HTR2A: variants seen among roughly 807,000 people sequenced by gnomAD.
The protein encoded by HTR2A is 5-hydroxytryptamine receptor 2A, also known as 5-HT2 receptor.
HTR2A carries 14 observed loss-of-function variants against 31.0 expected under a neutral mutation model. That is an observed-to-expected ratio of 0.45 (90% CI 0.30 to 0.71). The LOEUF (loss-of-function observed/expected upper bound fraction) is 0.71. HTR2A is among the 30% of genes least tolerant of loss of function. The pLI is 0.09. For synonymous variants in HTR2A, 209 were observed against 225.2 expected (o/e 0.93, Z 0.64); for missense variants, 442 against 573.3 (o/e 0.77, Z 2.34).
rs531503604 is a variant in HTR2A, at chr13:46,839,823, A to G, written c.614-4184T>C. Among the ~76,000 whole-genome samples the G allele has an allele frequency of 7.9e-5, 12 of 152,288 alleles. No homozygotes were observed. The East Asian group carries it at 1.4e-3, about 17-fold the overall frequency. ...GCATGGCTCTGCTTACTTCCTGCAC[A>G]TAAACTTTGCACCTCTAGTTAACAT... On this transcript the variant is annotated intron_variant, in intron 3 of 3. Transcript: ENST00000542664.
At chr13:46,861,665 A>G (rs1000443038) in intron 3 of HTR2A, among the ~76,000 whole-genome samples, 1 of 152,252 alleles carries the variant, frequency 6.6e-6, no homozygotes. Flanking sequence ...AGGCTTATCA[A>G]CTAATACCTT....
In HTR2A at chr13:46,896,655, T is replaced by C. The variant is rs572370504; in HGVS notation, c.-329+19A>G. 53 of 1,500,298 alleles carry C rather than the reference T, an allele frequency of 3.5e-5. No individual in the cohort carries two copies. The highest frequency in any genetic ancestry group is 2.9e-4 in the South Asian group (23 of 80,366). The allele number at this position is 1,500,298 out of a possible 1,614,324, so 92.9% of individuals were successfully genotyped here. Reference sequence around the variant, plus strand: ...AAGAAAATTACACAGCAATAAAATATAGCGGCATGAGAACTTACATTTGTC... The same window carrying C: ...AAGAAAATTACACAGCAATAAAATACAGCGGCATGAGAACTTACATTTGTC... On this transcript the variant is annotated intron_variant, in intron 1 of 3. Transcript: ENST00000542664.
At chr13:46,868,112 T>G (rs1178955982) in intron 3 of HTR2A, among the ~76,000 whole-genome samples, 3 of 152,362 alleles carry the variant, frequency 2.0e-5, no homozygotes, top group South Asian at 4.1e-4. Flanking sequence ...TTCTCTATTT[T>G]TAAACATTTT....
intron 3 of HTR2A, among the ~76,000 whole-genome samples, chr13:46,851,351 A>AT: frequency 6.6e-6 from 1 of 152,226 alleles, no homozygotes; most frequent in African/African-American, 2.4e-5. Flanking sequence ...AAAGATAAAG[A>AT]ATGAGCTCCT....
chr13:46,892,328 A>T, intron 3 of HTR2A, 62 bp downstream of exon 3: 1 of 1,493,482 alleles, frequency 6.7e-7, no homozygotes, highest in Non-Finnish European at 9.3e-7. Context: ...AAATGGAACA[A>T]GTCTTTTCAG....
intron 3 of HTR2A, among the ~76,000 whole-genome samples, chr13:46,878,592 G>C (rs569521896): frequency 4.9e-4 from 74 of 152,260 alleles, no homozygotes; most frequent in African/African-American, 1.7e-3. Context: ...AGAAGGTAGA[G>C]AATGGGTCTC....
At position 46,896,016 on chromosome 13, in the gene HTR2A, A is replaced by G. The variant is rs971996630; in HGVS notation, c.-110T>C. 71 of 1,470,140 alleles carry G rather than the reference A, an allele frequency of 4.8e-5. No individual in the cohort carries two copies. The Middle Eastern group carries it at 1.5e-3, about 32-fold the overall frequency. 91.1% of individuals were successfully genotyped at this position (1,470,140 alleles called of 1,614,324 possible). On this transcript the variant is annotated 5_prime_UTR_variant, in exon 2 of 4. Transcript: ENST00000542664. ...CACTCTGTAACACTGAGGCTGGTGT[A>G]CATGCTGTTCTCCCGGGGCTGGATT...
chr13:46,865,718 G>A (rs969021570), intron 3 of HTR2A, among the ~76,000 whole-genome samples: 6 of 152,206 alleles, frequency 3.9e-5, no homozygotes, highest in Non-Finnish European at 8.8e-5. Flanking sequence ...AAATGAAATG[G>A]CAATATATAT....
chr13:46,834,193 A>T lies in HTR2A; in HGVS notation c.*644T>A, dbSNP rs753789790. ...TTGAATAACATTTGAAGTCTTTTTCACTTCTGAGAATTAACTTGAAATGCA... is the reference window on the plus strand; with the variant it reads ...TTGAATAACATTTGAAGTCTTTTTCTCTTCTGAGAATTAACTTGAAATGCA... On this transcript the variant is annotated 3_prime_UTR_variant, in exon 4 of 4. Transcript: ENST00000542664. 6.5e-6 allele frequency: 1 copy of T among 152,690 alleles called. No individual in the cohort carries two copies. Among genetic ancestry groups the T allele is most frequent in the Non-Finnish European group, 1.5e-5 (1 of 68,046 alleles). The allele number at this position is 152,690 out of a possible 1,614,324, so 9.5% of individuals were successfully genotyped here.
At chr13:46,861,543 C>T (rs1488653621) in intron 3 of HTR2A, among the ~76,000 whole-genome samples, 1 of 152,202 alleles carries the variant, frequency 6.6e-6, no homozygotes, top group Non-Finnish European at 1.5e-5. Context: ...CCCTCACCTT[C>T]CTGGTTTTCC....
At chr13:46,849,597 A>T (rs1040902382) in intron 3 of HTR2A, among the ~76,000 whole-genome samples, 1 of 151,988 alleles carries the variant, frequency 6.6e-6, no homozygotes, top group African/African-American at 2.4e-5. Context: ...TGGTTACTTC[A>T]TCAGGGCCTT....
chr13:46,857,836 G>A (rs770682518), intron 3 of HTR2A, among the ~76,000 whole-genome samples: 9 of 152,180 alleles, frequency 5.9e-5, no homozygotes, highest in Non-Finnish European at 1.3e-4. Flanking sequence ...ACATCTCGAA[G>A]GGCCTTGCAA....
At chr13:46,884,439 C>A (rs750197089) in intron 3 of HTR2A, among the ~76,000 whole-genome samples, 2 of 152,066 alleles carry the variant, frequency 1.3e-5, no homozygotes, top group African/African-American at 2.4e-5. Context: ...CCAAGGTGGG[C>A]GGATCACGAG....
At chr13:46,856,653 G>A (rs73475714) in intron 3 of HTR2A, among the ~76,000 whole-genome samples, 1,985 of 152,016 alleles carry the variant, frequency 0.013, 51 homozygotes, top group African/African-American at 0.045. Context: ...CATGTAGTAC[G>A]ATGACTCTTA....
chr13:46,871,092 G>A (rs190829726), intron 3 of HTR2A, among the ~76,000 whole-genome samples: 2 of 152,220 alleles, frequency 1.3e-5, no homozygotes, highest in South Asian at 2.1e-4. Flanking sequence ...ATATAGACAC[G>A]TGCCTGCATG....
chr13:46,841,945 A>G (rs1271706695), intron 3 of HTR2A, among the ~76,000 whole-genome samples: 2 of 152,190 alleles, frequency 1.3e-5, no homozygotes, highest in African/African-American at 4.8e-5. Flanking sequence ...ATTTGAATAA[A>G]TAACCAGAGC....
At chr13:46,892,176 G>A (rs1427895474) in intron 3 of HTR2A, among the ~76,000 whole-genome samples, 1 of 152,204 alleles carries the variant, frequency 6.6e-6, no homozygotes, top group Non-Finnish European at 1.5e-5. Context: ...TTTTGCCTGT[G>A]CAAAGCAATA....
chr13:46,881,655 C>T (rs1191104898), intron 3 of HTR2A, among the ~76,000 whole-genome samples: 1 of 152,170 alleles, frequency 6.6e-6, no homozygotes, highest in African/African-American at 2.4e-5. Flanking sequence ...GGACAGGTAA[C>T]CCAAAGCCCT....
At chr13:46,850,262 TA>T (rs1322295035) in intron 3 of HTR2A, among the ~76,000 whole-genome samples, 12 of 152,320 alleles carry the variant, frequency 7.9e-5, no homozygotes, top group African/African-American at 2.9e-4. Flanking sequence ...ATAATAATGA[TA>T]AAAAATAACA....
Sources: gnomAD v4.1 joint callset for allele counts (sites outside exome capture counted in the v4.1 genomes callset) on GRCh38, gnomAD v4.1.1 for gene constraint, MANE v1.5 for transcripts, NCBI Gene and HGNC (gene_info 2026-07-23, HGNC 2026-07-21) for gene names.